Variants in LRRIQ1 observed in about 807,000 individuals in gnomAD.
LRRIQ1 encodes the protein leucine rich repeats and IQ motif containing 1, also known as leucine-rich repeat- and IQ domain-containing protein 1.
LRRIQ1 carries 210 observed loss-of-function variants against 211.9 expected under a neutral mutation model. That is an observed-to-expected ratio of 0.99 (90% CI 0.89 to 1.11). The LOEUF is 1.11. Among genes scored for constraint, LRRIQ1 ranks in the 50% most tolerant of loss-of-function variants. The pLI, the probability that LRRIQ1 is intolerant of heterozygous loss-of-function variation, is 0.00. For missense variants in LRRIQ1, 2,136 were observed against 1,939.5 expected (o/e 1.10, Z -1.90); for synonymous variants, 699 against 650.1 (o/e 1.08, Z -1.14).
At chr12:85,198,663 G>C (rs1893133991) in intron 24 of LRRIQ1, among the ~76,000 whole-genome samples, 2 of 151,846 alleles carry the variant, frequency 1.3e-5, no homozygotes, top group Non-Finnish European at 2.9e-5. Context: ...CGCCTCCTGG[G>C]TTCACTCCAT....
chr12:85,151,522 G>A (rs1244666628), intron 19 of LRRIQ1, among the ~76,000 whole-genome samples: 1 of 151,302 alleles, frequency 6.6e-6, no homozygotes, highest in South Asian at 2.1e-4. Context: ...CAGAAACATA[G>A]AAATTAATTC....
At chr12:85,171,110 A>G (rs1296787454) in intron 24 of LRRIQ1, among the ~76,000 whole-genome samples, 2 of 152,148 alleles carry the variant, frequency 1.3e-5, no homozygotes, top group African/African-American at 4.8e-5. Context: ...TTTAAAATAA[A>G]TGTACATAAT....
In LRRIQ1 at chr12:85,098,448, T is replaced by C. The variant is rs747053847; in HGVS notation, c.2981T>C (p.Val994Ala). Residue 994 changes from valine (V) to alanine (A), a missense_variant, in exon 12 of 27, where the codon GTA becomes GCA. By Grantham distance (64) the Val-to-Ala change is moderately conservative (BLOSUM62 0). Transcript: ENST00000393217. The part of the protein sequence containing the change: ...TKGLCDTPTI[V>A]YLDCSHNHLT... ...GGTCTTTGTGATACACCTACCATTG[T>C]ATACCTAGATTGCTCCCATAATCAT... The C allele has an allele frequency of 6.2e-7, 1 of 1,611,194 alleles. No individual in the cohort carries two copies. Among genetic ancestry groups the C allele is most frequent in the Admixed American group, 1.7e-5 (1 of 59,864 alleles).
chr12:85,108,222 T>C (rs528451740), intron 15 of LRRIQ1, among the ~76,000 whole-genome samples: 81 of 152,314 alleles, frequency 5.3e-4, no homozygotes, highest in African/African-American at 1.9e-3. Flanking sequence ...TTTCTAAGCT[T>C]GCTTTTAAGT....
Position 85,066,741 on chromosome 12 carries a change from G to A in LRRIQ1, c.2545-7G>A. On this transcript the variant is annotated splice_region_variant and splice_polypyrimidine_tract_variant and intron_variant, in intron 9 of 26. Transcript: ENST00000393217. The stretch of plus-strand genomic sequence containing the variant: ...ATAAAACTAATTACATTTGTTCTTT[G>A]CTTCAGGAAAACCATATTGAGGCTA... The A allele has an allele frequency of 6.3e-7, 1 of 1,577,930 alleles. No individual in the cohort carries two copies. Among genetic ancestry groups the A allele is most frequent in the Non-Finnish European group, 8.6e-7 (1 of 1,165,922 alleles).
chr12:85,128,600 A>C (rs1888545222), intron 18 of LRRIQ1, among the ~76,000 whole-genome samples: 1 of 152,140 alleles, frequency 6.6e-6, no homozygotes, highest in Non-Finnish European at 1.5e-5. Context: ...CCTTGTCTCA[A>C]AAAACAACAA....
At chr12:85,037,114 A>G (rs1241914960) in intron 1 of LRRIQ1, among the ~76,000 whole-genome samples, 1 of 152,220 alleles carries the variant, frequency 6.6e-6, no homozygotes, top group Non-Finnish European at 1.5e-5. Flanking sequence ...TTGTTATTAC[A>G]CGTTGAAATA....
chr12:85,270,445 T>C, the LRRIQ1 span, among the ~76,000 whole-genome samples: 2 of 152,018 alleles, frequency 1.3e-5, no homozygotes, highest in Admixed American at 6.6e-5. Context: ...CTTAATGCAG[T>C]ACACACACCC....
At chr12:85,061,804 AT>A (rs1881843634) in intron 8 of LRRIQ1, among the ~76,000 whole-genome samples, 1 of 151,754 alleles carries the variant, frequency 6.6e-6, no homozygotes, top group Non-Finnish European at 1.5e-5. Context: ...TGATGAGTAT[AT>A]TTTCTTTCTG....
At chr12:85,169,239 A>G (rs1891295574) in intron 24 of LRRIQ1, among the ~76,000 whole-genome samples, 1 of 152,132 alleles carries the variant, frequency 6.6e-6, no homozygotes, top group Admixed American at 6.6e-5. Context: ...AAAATCTTGT[A>G]ATCTGTTTTT....
intron 7 of LRRIQ1, among the ~76,000 whole-genome samples, chr12:85,054,834 T>G (rs955382881): frequency 1.3e-5 from 2 of 152,150 alleles, no homozygotes; most frequent in African/African-American, 4.8e-5. Flanking sequence ...AAATTGGTTC[T>G]TCCTTCTGCT....
chr12:85,072,417 A>C (rs1883183942), intron 10 of LRRIQ1, among the ~76,000 whole-genome samples: 1 of 151,696 alleles, frequency 6.6e-6, no homozygotes, highest in Non-Finnish European at 1.5e-5. Flanking sequence ...TAAAGAGTTT[A>C]TTTTGCATGT....
intron 19 of LRRIQ1, among the ~76,000 whole-genome samples, chr12:85,150,841 CAAAT>C (rs1399467176): frequency 2.6e-5 from 4 of 151,322 alleles, no homozygotes; most frequent in African/African-American, 9.7e-5. Context: ...TTTTAATTGA[CAAAT>C]AAAAATTGTA....
intron 20 of LRRIQ1, among the ~76,000 whole-genome samples, chr12:85,152,659 A>G (rs1001160170): frequency 4.0e-5 from 6 of 151,714 alleles, no homozygotes; most frequent in Admixed American, 6.6e-5. Context: ...TCACTAGTTG[A>G]CAGCACTTTA....
chr12:85,074,295 T>G (rs1420632324), intron 11 of LRRIQ1, among the ~76,000 whole-genome samples: 1 of 152,002 alleles, frequency 6.6e-6, no homozygotes, highest in Non-Finnish European at 1.5e-5. Flanking sequence ...AGTTTTATTT[T>G]ATTTTTTAAT....
chr12:85,233,083 C>A (rs1895023292), intron 26 of LRRIQ1: 1 of 228,784 alleles, frequency 4.4e-6, no homozygotes, highest in Admixed American at 5.6e-5. Flanking sequence ...TAGGCTATAA[C>A]TGGAGGAAAT....
At chr12:85,244,083 A>G (rs1237013094) in intron 26 of LRRIQ1, among the ~76,000 whole-genome samples, 2 of 151,744 alleles carry the variant, frequency 1.3e-5, no homozygotes, top group African/African-American at 4.8e-5. Context: ...ATCTTTATGT[A>G]ATGATATTCA....
chr12:85,191,896 A>T (rs1892529438), intron 24 of LRRIQ1, among the ~76,000 whole-genome samples: 1 of 151,804 alleles, frequency 6.6e-6, no homozygotes, highest in Non-Finnish European at 1.5e-5. Context: ...TTCATATGTT[A>T]TTTGCTATCA....
chr12:85,185,951 ATTGT>A (rs988567098), intron 24 of LRRIQ1, among the ~76,000 whole-genome samples: 6 of 152,022 alleles, frequency 3.9e-5, no homozygotes, highest in Non-Finnish European at 7.4e-5. Context: ...AAAATTTGAA[ATTGT>A]TTAAGACTAT....
Sources: gnomAD v4.1 joint callset for allele counts (sites outside exome capture counted in the v4.1 genomes callset) on GRCh38, gnomAD v4.1.1 for gene constraint, MANE v1.5 for transcripts, NCBI Gene and HGNC (gene_info 2026-07-23, HGNC 2026-07-21) for gene names.